SRFBP1: variants seen among roughly 807,000 people sequenced by gnomAD.
SRFBP1 encodes the protein serum response factor binding protein 1.
In SRFBP1, 47 loss-of-function variants were observed where a neutral mutation model predicts 45.5. The ratio of observed to expected loss-of-function variants is 1.03; its 90% CI spans 0.82 to 1.32. SRFBP1 has a LOEUF of 1.32. Ranked by LOEUF, SRFBP1 falls within the 40% of genes most tolerant of loss-of-function variation. The pLI is 0.00. For synonymous variants in SRFBP1, 203 were observed against 166.3 expected (o/e 1.22, Z -1.70); for missense variants, 621 against 484.6 (o/e 1.28, Z -2.64).
At chr5:121,973,975 T>G (rs1346131328) in intron 1 of SRFBP1, among the ~76,000 whole-genome samples, 2 of 151,912 alleles carry the variant, frequency 1.3e-5, no homozygotes, top group East Asian at 3.9e-4. Flanking sequence ...TTTTAAAAAA[T>G]TATAACTTGT....
chr5:121,978,465 A>G (rs1410308558), intron 3 of SRFBP1, among the ~76,000 whole-genome samples: 1 of 152,134 alleles, frequency 6.6e-6, no homozygotes. Context: ...CCTGACAGGT[A>G]AATATACACA....
Position 122,020,703 on chromosome 5 carries a change from A to G in SRFBP1, c.968A>G (p.His323Arg), listed in dbSNP as rs544385477. Reference protein sequence around the residue: ...VFLKEDTGETHGDTRNDKIKP... With the variant: ...VFLKEDTGETRGDTRNDKIKP... ...CTTAAAGAAGATACAGGTGAAACTC[A>G]TGGGGATACAAGAAATGACAAAATC... The change falls in exon 6 of 8, where the codon CAT becomes CGT. Residue 323 changes from histidine (H) to arginine (R), a missense_variant. By Grantham distance (29) the His-to-Arg change is conservative. Transcript: ENST00000339397. The G allele has an allele frequency of 5.6e-6, 9 of 1,613,554 alleles. No individual in the cohort carries two copies. The highest frequency in any genetic ancestry group is 7.6e-6 in the Non-Finnish European group (9 of 1,179,840).
chr5:121,965,461 G>T (rs748093150), intron 1 of SRFBP1, among the ~76,000 whole-genome samples: 1 of 152,126 alleles, frequency 6.6e-6, no homozygotes, highest in African/African-American at 2.4e-5. Context: ...TTTCCCCATT[G>T]CTTGTTTTTG....
At chr5:121,992,724 CTCAA>C (rs1752643468) in intron 3 of SRFBP1, among the ~76,000 whole-genome samples, 1 of 152,234 alleles carries the variant, frequency 6.6e-6, no homozygotes, top group South Asian at 2.1e-4. Flanking sequence ...TTTTCCCTTT[CTCAA>C]TCAAATAACA....
Position 122,022,417 on chromosome 5 carries a change from C to T in SRFBP1, c.1105+10C>T. 1 of 1,606,504 alleles carries T rather than the reference C, an allele frequency of 6.2e-7. No individual in the cohort carries two copies. The highest frequency in any genetic ancestry group is 2.2e-5 in the East Asian group (1 of 44,606). ...AAAACAAGATCCCTAGGTATGTATTCATAGTTGCCTGACCTTCATATGCAA... is the reference window on the plus strand; with the variant it reads ...AAAACAAGATCCCTAGGTATGTATTTATAGTTGCCTGACCTTCATATGCAA... On this transcript the variant is annotated intron_variant, in intron 7 of 7. Coordinates refer to ENST00000339397, the MANE Select transcript of SRFBP1 (RefSeq NM_152546.3).
At chr5:122,016,905 A>G (rs1753203347) in intron 4 of SRFBP1, among the ~76,000 whole-genome samples, 1 of 152,170 alleles carries the variant, frequency 6.6e-6, no homozygotes, top group Admixed American at 6.5e-5. Context: ...TAAGGCTGCC[A>G]TAACAAAGTA....
intron 2 of SRFBP1, among the ~76,000 whole-genome samples, chr5:122,052,437 C>G (rs983715685): frequency 6.6e-6 from 1 of 152,022 alleles, no homozygotes; most frequent in African/African-American, 2.4e-5. Context: ...GGAGGTTTTG[C>G]TTTTTACTTT....
intron 1 of SRFBP1, among the ~76,000 whole-genome samples, chr5:121,972,519 A>T (rs555028583): frequency 6.6e-6 from 1 of 152,084 alleles, no homozygotes; most frequent in African/African-American, 2.4e-5. Context: ...ACAGAATGTT[A>T]CAAGTATTTG....
rs10064364 is a variant in SRFBP1, at chr5:122,036,674, C to T, written n.311+14267C>T. Among the ~76,000 whole-genome samples, 1,046 of 152,240 alleles carry T rather than the reference C, an allele frequency of 6.9e-3. 2 individuals are homozygous for T. Among genetic ancestry groups the T allele is most frequent in the Non-Finnish European group, 0.011 (747 of 68,010 alleles). ...CTTGAGCACCAAGGCTCAATGTGAG[C>T]TTCCCTGGTTGACAACATTAGTACA... is the stretch of plus-strand genomic sequence containing the variant. On this transcript the variant is annotated intron_variant and non_coding_transcript_variant, in intron 2 of 2. Coordinates refer to the SRFBP1 transcript ENST00000504881.
At chr5:121,994,123 T>C (rs1752670151) in intron 3 of SRFBP1, among the ~76,000 whole-genome samples, 1 of 152,056 alleles carries the variant, frequency 6.6e-6, no homozygotes, top group African/African-American at 2.4e-5. Flanking sequence ...AGCTAATAAA[T>C]AGTATTTCTA....
At chr5:122,044,436 C>T (rs1278951349) in intron 2 of SRFBP1, among the ~76,000 whole-genome samples, 2 of 152,090 alleles carry the variant, frequency 1.3e-5, no homozygotes, top group Non-Finnish European at 2.9e-5. Flanking sequence ...CAACTACTTT[C>T]CACAATGGCT....
intron 2 of SRFBP1, chr5:122,065,203 C>A (rs1451689090): frequency 6.6e-6 from 1 of 151,982 alleles, no homozygotes; most frequent in African/African-American, 2.4e-5. Flanking sequence ...ATCTCTAGCC[C>A]CTCTAACCAT....
chr5:121,994,485 T>C (rs1436355111), intron 3 of SRFBP1, 114 bp from the exon 4 acceptor site: 1 of 688,902 alleles, frequency 1.5e-6, no homozygotes, highest in Non-Finnish European at 2.5e-6. Context: ...TTAATTCTTT[T>C]CTCAAAATTA....
At chr5:121,986,784 T>G (rs1752526799) in intron 3 of SRFBP1, among the ~76,000 whole-genome samples, 1 of 152,142 alleles carries the variant, frequency 6.6e-6, no homozygotes, top group Non-Finnish European at 1.5e-5. Flanking sequence ...TAGTGGTATT[T>G]AAAAACCAAA....
Position 122,022,441 on chromosome 5 carries a change from A to C in SRFBP1, c.1105+34A>C, listed in dbSNP as rs746051668. The C allele has an allele frequency of 6.3e-6, 10 of 1,582,886 alleles. No individual in the cohort carries two copies. The South Asian group carries it at 1.0e-4, about 16-fold the overall frequency. On this transcript the variant is annotated intron_variant, in intron 7 of 7. Transcript: ENST00000339397. ...TCATAGTTGCCTGACCTTCATATGCAATTAAGCTATGTTTTACCAGAGTAA... is the reference window on the plus strand; with the variant it reads ...TCATAGTTGCCTGACCTTCATATGCCATTAAGCTATGTTTTACCAGAGTAA...
chr5:121,971,671 G>A (rs925548387), intron 1 of SRFBP1, among the ~76,000 whole-genome samples: 6 of 151,990 alleles, frequency 3.9e-5, no homozygotes, highest in African/African-American at 1.2e-4. Flanking sequence ...GCTAAACAAT[G>A]TATTGTGAAA....
At chr5:122,054,725 G>A (rs183635285) in intron 2 of SRFBP1, among the ~76,000 whole-genome samples, 147 of 152,078 alleles carry the variant, frequency 9.7e-4, no homozygotes, top group Non-Finnish European at 1.7e-3. Flanking sequence ...CTATTAGTTG[G>A]CAGCATTATG....
At chr5:122,039,968 G>A (rs574155680) in intron 2 of SRFBP1, among the ~76,000 whole-genome samples, 1 of 152,108 alleles carries the variant, frequency 6.6e-6, no homozygotes, top group Admixed American at 6.5e-5. Flanking sequence ...CTCTTTATCT[G>A]ATCCAGTATT....
intron 4 of SRFBP1, among the ~76,000 whole-genome samples, chr5:121,997,963 G>C (rs1220376152): frequency 6.6e-6 from 1 of 151,008 alleles, no homozygotes; most frequent in Non-Finnish European, 1.5e-5. Flanking sequence ...AAACCACTAT[G>C]AGATACCATC....
Sources: allele counts gnomAD v4.1 joint callset (sites outside exome capture counted in the v4.1 genomes callset), GRCh38; gene constraint gnomAD v4.1.1; transcripts MANE v1.5; gene names NCBI Gene and HGNC (gene_info 2026-07-23, HGNC 2026-07-21).